Variants in JUN observed in about 807,000 individuals in gnomAD.
JUN encodes Jun proto-oncogene, AP-1 transcription factor subunit.
A neutral mutation model predicts 19.7 loss-of-function variants in JUN; 7 were observed. The observed-to-expected ratio is 0.36, with a 90% confidence interval of 0.20 to 0.67. The LOEUF (loss-of-function observed/expected upper bound fraction) is 0.67. Among genes scored for constraint, JUN ranks in the 30% least tolerant of loss-of-function variants. The probability of loss-of-function intolerance (pLI) is 0.64; values close to 1 mark genes in which losing one functional copy is unlikely to be tolerated. For synonymous variants in JUN, 246 were observed against 206.9 expected (o/e 1.19, Z -1.62); for missense variants, 373 against 451.0 (o/e 0.83, Z 1.57).
In JUN at chr1:58,783,995, C is replaced by A; in HGVS notation, c.-925G>T. 4.0e-6 allele frequency: 1 copy of A among 249,328 alleles called. No homozygotes were observed. Among genetic ancestry groups the A allele is most frequent in the Non-Finnish European group, 8.4e-6 (1 of 119,044 alleles). 15.4% of individuals were successfully genotyped at this position (249,328 alleles called of 1,614,324 possible). A position where few individuals can be genotyped will look rare whatever the true frequency, so the allele number is the denominator to read the frequency against. ...GTGTCTGTCTGTCTGCCTGACTCCG[C>A]GCACCTCCACTCCCGCCTCGCTGCT... On this transcript the variant is annotated 5_prime_UTR_variant, in exon 1 of 1. Coordinates refer to ENST00000371222, the MANE Select transcript of JUN (RefSeq NM_002228.4).
rs1194479675 is a variant in JUN, at chr1:58,783,274, T to TA, written c.-205dup. 1.5e-6 allele frequency: 1 copy of TA among 679,320 alleles called. No individual in the cohort carries two copies. The highest frequency in any genetic ancestry group is 2.4e-6 in the Non-Finnish European group (1 of 412,556). 42.1% of individuals were successfully genotyped at this position (679,320 alleles called of 1,614,324 possible). ...TCGCTCCAGGGAGCGCAGGGTTAAT[T>TA]AAGATGCCTCCCGCACTCTTACTTG... On this transcript the variant is annotated 5_prime_UTR_variant, in exon 1 of 1. Transcript: ENST00000371222.
Position 58,781,939 on chromosome 1 carries a change from A to C in JUN, c.*136T>G. The C allele has an allele frequency of 1.3e-6, 1 of 766,138 alleles. No individual in the cohort carries two copies. Among genetic ancestry groups the C allele is most frequent in the Non-Finnish European group, 2.1e-6 (1 of 470,872 alleles). The allele number at this position is 766,138 out of a possible 1,614,324, so 47.5% of individuals were successfully genotyped here. A position where few individuals can be genotyped will look rare whatever the true frequency, so the allele number is the denominator to read the frequency against. ...TGGGGGCGCCGTCAGGACGCAACCC[A>C]GTCCAACTTGGATACCCTTGGCTTT... On this transcript the variant is annotated 3_prime_UTR_variant, in exon 1 of 1. Coordinates refer to ENST00000371222, the MANE Select transcript of JUN (RefSeq NM_002228.4).
In JUN at chr1:58,782,276, A is replaced by T; in HGVS notation, c.795T>A (p.Ala265=). The change falls in exon 1 of 1, where the codon GCT becomes GCA. Residue 265 remains alanine (A), a synonymous_variant. Transcript: ENST00000371222. The surrounding 1 kb of genome is among the most constrained non-coding windows in gnomAD (Gnocchi z 8.7). ...AERKRMRNRI[A]ASKCRKRKLE... is the part of the protein sequence containing the mutation. ...GCTTCCTTTTTCGGCACTTGGAGGC[A>T]GCGATGCGGTTCCTCATGCGCTTCC... 1 of 1,614,218 alleles carries T rather than the reference A, an allele frequency of 6.2e-7. No individual in the cohort carries two copies. The highest frequency in any genetic ancestry group is 8.5e-7 in the Non-Finnish European group (1 of 1,180,034).
In JUN at chr1:58,782,597, G is replaced by A. The variant is rs1408729568; in HGVS notation, c.474C>T (p.Gly158=). The change falls in exon 1 of 1, where the codon GGC becomes GGT. Residue 158 remains glycine (G), a synonymous_variant. Coordinates refer to ENST00000371222, the MANE Select transcript of JUN (RefSeq NM_002228.4). This position sits in a 1 kb window ranked among gnomAD's most constrained non-coding sequence, Gnocchi z 8.7. ...GCTCGCTGTGCAGGCTGGCGCTGAA[G>A]CCGCCGCTGCCGCTGCCCCCTGCCA... The part of the protein sequence containing the change: ...ASVAGGSGSG[G]FSASLHSEPP... 12 of 1,581,588 alleles carry A rather than the reference G, an allele frequency of 7.6e-6. No homozygotes were observed. Among genetic ancestry groups the A allele is most frequent in the Non-Finnish European group, 1.0e-5 (12 of 1,172,064 alleles).
chr1:58,781,996 G>A lies in JUN; in HGVS notation c.*79C>T. 9 of 1,218,218 alleles carry A rather than the reference G, an allele frequency of 7.4e-6. No homozygotes were observed. The South Asian group carries it at 1.1e-4, about 15-fold the overall frequency. 75.5% of individuals were successfully genotyped at this position (1,218,218 alleles called of 1,614,324 possible). On this transcript the variant is annotated 3_prime_UTR_variant, in exon 1 of 1. Transcript: ENST00000371222. Reference sequence around the variant, plus strand: ...CGGACACTTCTTTTTTCTCTCCGTCGCAACTTGTCAAGTTCTCAAGTCTGT... The same window carrying A: ...CGGACACTTCTTTTTTCTCTCCGTCACAACTTGTCAAGTTCTCAAGTCTGT...
rs528696835 is a variant in JUN at position 58,783,051 on chromosome 1, G to C, written c.20C>G (p.Thr7Arg). MTAKME[T>R]TFYDDALNAS... ...GTTGAGGGCATCGTCATAGAAGGTCGTTTCCATCTTTGCAGTCATAGAACA... is the reference window on the plus strand; with the variant it reads ...GTTGAGGGCATCGTCATAGAAGGTCCTTTCCATCTTTGCAGTCATAGAACA... The change falls in exon 1 of 1, where the codon ACG becomes AGG. Residue 7 changes from threonine (T) to arginine (R), a missense_variant. This residue lies in a region of JUN where 113 missense variants were observed against 136.9 expected (regional missense o/e 0.83). Coordinates refer to ENST00000371222, the MANE Select transcript of JUN (RefSeq NM_002228.4). 1 of 1,613,976 alleles carries C rather than the reference G, an allele frequency of 6.2e-7. No homozygotes were observed. The highest frequency in any genetic ancestry group is 2.2e-5 in the East Asian group (1 of 44,880).
At position 58,782,908 on chromosome 1, in the gene JUN, C is replaced by G. The variant is rs750731127; in HGVS notation, c.163G>C (p.Ala55Pro). ...PVGSLKPHLR[A>P]KNSDLLTSPD... ...GAGGTGAGGAGGTCCGAGTTCTTGG[C>G]GCGGAGGTGCGGCTTCAGGCTCCCC... is the stretch of plus-strand genomic sequence containing the variant. Residue 55 changes from alanine (A) to proline (P), a missense_variant, in exon 1 of 1, where the codon GCC (alanine) becomes CCC (proline). Physicochemically the swap from Ala to Pro is conservative, Grantham distance 27 (BLOSUM62 -1). This residue lies in a region of JUN where 113 missense variants were observed against 136.9 expected (regional missense o/e 0.83). Coordinates refer to ENST00000371222, the MANE Select transcript of JUN (RefSeq NM_002228.4). The surrounding 1 kb of genome is among the most constrained non-coding windows in gnomAD (Gnocchi z 8.7). 1 of 1,614,140 alleles carries G rather than the reference C, an allele frequency of 6.2e-7. No homozygotes were observed. The highest frequency in any genetic ancestry group is 8.5e-7 in the Non-Finnish European group (1 of 1,180,030).
Position 58,781,767 on chromosome 1 carries a change from A to C in JUN, c.*308T>G. 5.5e-6 allele frequency: 2 copies of C among 362,148 alleles called. No individual in the cohort carries two copies. The highest frequency in any genetic ancestry group is 1.0e-5 in the Non-Finnish European group (2 of 197,274). The allele number at this position is 362,148 out of a possible 1,614,324, so 22.4% of individuals were successfully genotyped here. ...CTGAATGAGATCGAATGTTAGGTCC[A>C]TGCAGTTCTTGGTCAATGTTAACGA... is the stretch of plus-strand genomic sequence containing the variant. On this transcript the variant is annotated 3_prime_UTR_variant, in exon 1 of 1. Coordinates refer to ENST00000371222, the MANE Select transcript of JUN (RefSeq NM_002228.4).
At position 58,781,649 on chromosome 1, in the gene JUN, C is replaced by T. The variant is rs1645574598; in HGVS notation, c.*426G>A. 4.8e-6 allele frequency: 1 copy of T among 206,300 alleles called. No individual in the cohort carries two copies. Among genetic ancestry groups the T allele is most frequent in the African/African-American group, 2.3e-5 (1 of 42,812 alleles). 12.8% of individuals were successfully genotyped at this position (206,300 alleles called of 1,614,324 possible). A position where few individuals can be genotyped will look rare whatever the true frequency, so the allele number is the denominator to read the frequency against. ...CTCCCTCCTGCCGCCCCTCCCCAACCCTCCCCCCGCTTTGTGTTCTTAAGG... is the reference window on the plus strand; with the variant it reads ...CTCCCTCCTGCCGCCCCTCCCCAACTCTCCCCCCGCTTTGTGTTCTTAAGG... On this transcript the variant is annotated 3_prime_UTR_variant, in exon 1 of 1. Transcript: ENST00000371222.
Position 58,781,837 on chromosome 1 carries a change from C to A in JUN, c.*238G>T. 1 of 547,174 alleles carries A rather than the reference C, an allele frequency of 1.8e-6. No individual in the cohort carries two copies. The allele number at this position is 547,174 out of a possible 1,614,324, so 33.9% of individuals were successfully genotyped here. A position where few individuals can be genotyped will look rare whatever the true frequency, so the allele number is the denominator to read the frequency against. ...GCGCGGGGACAGCCCGTCCGCAAAGCGGGGCAGCCCGCAGGCGGCCGCTCC... is the reference window on the plus strand; with the variant it reads ...GCGCGGGGACAGCCCGTCCGCAAAGAGGGGCAGCCCGCAGGCGGCCGCTCC... On this transcript the variant is annotated 3_prime_UTR_variant, in exon 1 of 1. Coordinates refer to ENST00000371222, the MANE Select transcript of JUN (RefSeq NM_002228.4).
In JUN at chr1:58,782,633, C is replaced by G. The variant is rs768130439; in HGVS notation, c.438G>C (p.Ala146=). The G allele has an allele frequency of 6.3e-7, 1 of 1,595,022 alleles. No individual in the cohort carries two copies. The highest frequency in any genetic ancestry group is 1.1e-5 in the South Asian group (1 of 90,720). The change falls in exon 1 of 1, where the codon GCG becomes GCC. Residue 146 remains alanine, a synonymous_variant. Transcript: ENST00000371222. The surrounding 1 kb of genome is among the most constrained non-coding windows in gnomAD (Gnocchi z 8.7). ...PVNGAGMVAP[A]VASVAGGSGS... is the part of the protein sequence containing the mutation. ...CGCTGCCCCCTGCCACCGAGGCTAC[C>G]GCGGGAGCCACCATGCCTGCCCCGT...
rs1445927337 is a variant in JUN at position 58,782,030 on chromosome 1, GTTAT to G, written c.*41_*44del. ...CAAGTTCTCAAGTCTGTCTCTCTGT[GTTAT>G]TTTTTTTCTTCGTTGCCCCTCAGCC... is the stretch of plus-strand genomic sequence containing the variant. On this transcript the variant is annotated 3_prime_UTR_variant, in exon 1 of 1. Transcript: ENST00000371222. The surrounding 1 kb of genome is among the most constrained non-coding windows in gnomAD (Gnocchi z 8.7). 3.4e-6 allele frequency: 5 copies of G among 1,455,644 alleles called. No individual in the cohort carries two copies. The highest frequency in any genetic ancestry group is 4.8e-6 in the Non-Finnish European group (5 of 1,045,856). 90.2% of individuals were successfully genotyped at this position (1,455,644 alleles called of 1,614,324 possible). A position where few individuals can be genotyped will look rare whatever the true frequency, so the allele number is the denominator to read the frequency against.
Position 58,781,906 on chromosome 1 carries a change from G to T in JUN, c.*169C>A, listed in dbSNP as rs1645577302. The stretch of plus-strand genomic sequence containing the variant: ...AGGGCGCGCCAAGTCCTTCCCACTC[G>T]TGCACACTGGGGGCGCCGTCAGGAC... On this transcript the variant is annotated 3_prime_UTR_variant, in exon 1 of 1. Transcript: ENST00000371222. 1.6e-6 allele frequency: 1 copy of T among 641,280 alleles called. No individual in the cohort carries two copies. Among genetic ancestry groups the T allele is most frequent in the Non-Finnish European group, 2.7e-6 (1 of 370,216 alleles). 39.7% of individuals were successfully genotyped at this position (641,280 alleles called of 1,614,324 possible). A position where few individuals can be genotyped will look rare whatever the true frequency, so the allele number is the denominator to read the frequency against.
In JUN at chr1:58,783,325, T is replaced by C. The variant is rs978349154; in HGVS notation, c.-255A>G. ...TCGACTCGCGCGCGCTACCCGGCTT[T>C]GAAAAGTCGCGGTCACTCACTGAGC... is the stretch of plus-strand genomic sequence containing the variant. On this transcript the variant is annotated 5_prime_UTR_variant, in exon 1 of 1. Coordinates refer to ENST00000371222, the MANE Select transcript of JUN (RefSeq NM_002228.4). 3.0e-5 allele frequency: 15 copies of C among 502,330 alleles called. No homozygotes were observed. Among genetic ancestry groups the C allele is most frequent in the Non-Finnish European group, 1.1e-5 (3 of 276,046 alleles). 31.1% of individuals were successfully genotyped at this position (502,330 alleles called of 1,614,324 possible).
In JUN at chr1:58,783,799, C is replaced by T. The variant is rs1645597921; in HGVS notation, c.-729G>A. On this transcript the variant is annotated 5_prime_UTR_variant, in exon 1 of 1. Coordinates refer to ENST00000371222, the MANE Select transcript of JUN (RefSeq NM_002228.4). The stretch of plus-strand genomic sequence containing the variant: ...CGCTGCTTTCCGCCGCTGTCAACAG[C>T]GCCTGGGCAGCAGGGCTCTCCTCCC... The T allele has an allele frequency of 4.0e-6, 1 of 248,144 alleles. No individual in the cohort carries two copies. The highest frequency in any genetic ancestry group is 2.2e-5 in the African/African-American group (1 of 45,474). The allele number at this position is 248,144 out of a possible 1,614,324, so 15.4% of individuals were successfully genotyped here.
Position 58,782,183 on chromosome 1 carries a change from G to A in JUN, c.888C>T (p.Ser296=), listed in dbSNP as rs571546295. Residue 296 remains serine (S), a synonymous_variant, in exon 1 of 1, where the codon TCC becomes TCT. Transcript: ENST00000371222. The surrounding 1 kb of genome is among the most constrained non-coding windows in gnomAD (Gnocchi z 8.7). ...CCTGTTCCCTGAGCATGTTGGCCGT[G>A]GACGCCAGCTCCGAGTTCTGAGCTT... is the stretch of plus-strand genomic sequence containing the variant. ...TLKAQNSELA[S]TANMLREQVA... 1.2e-6 allele frequency: 2 copies of A among 1,614,246 alleles called. No individual in the cohort carries two copies. The highest frequency in any genetic ancestry group is 2.2e-5 in the East Asian group (1 of 44,888).
chr1:58,781,826 C>T lies in JUN; in HGVS notation c.*249G>A, dbSNP rs1418864758. 9.2e-6 allele frequency: 5 copies of T among 541,334 alleles called. No homozygotes were observed. The highest frequency in any genetic ancestry group is 5.7e-5 in the African/African-American group (3 of 52,742). The allele number at this position is 541,334 out of a possible 1,614,324, so 33.5% of individuals were successfully genotyped here. On this transcript the variant is annotated 3_prime_UTR_variant, in exon 1 of 1. Coordinates refer to ENST00000371222, the MANE Select transcript of JUN (RefSeq NM_002228.4). ...ACGTTCCGTTCGCGCGGGGACAGCC[C>T]GTCCGCAAAGCGGGGCAGCCCGCAG... is the stretch of plus-strand genomic sequence containing the variant.
rs762826057 is a variant in JUN, at chr1:58,782,361, C to T, written c.710G>A (p.Gly237Asp). The stretch of plus-strand genomic sequence containing the variant: ...GATGGGGGACAGGGGCGGTGTCTCG[C>T]CGGGCATCTCGGGCACTGTCTGAGG... ...EEPQTVPEMPGETPPLSPIDM... is the reference protein window; with the variant it reads ...EEPQTVPEMPDETPPLSPIDM... The change falls in exon 1 of 1, where the codon GGC becomes GAC. Residue 237 changes from glycine (G) to aspartate (D), a missense_variant. By Grantham distance (94) the Gly-to-Asp change is moderately conservative. Coordinates refer to ENST00000371222, the MANE Select transcript of JUN (RefSeq NM_002228.4). The surrounding 1 kb of genome is among the most constrained non-coding windows in gnomAD (Gnocchi z 8.7). 1.2e-6 allele frequency: 2 copies of T among 1,613,982 alleles called. No homozygotes were observed. Among genetic ancestry groups the T allele is most frequent in the Non-Finnish European group, 1.7e-6 (2 of 1,179,842 alleles).
rs1645589217 is a variant in JUN at position 58,783,008 on chromosome 1, G to C, written c.63C>G (p.Ser21=). 4 of 1,614,092 alleles carry C rather than the reference G, an allele frequency of 2.5e-6. No homozygotes were observed. In the Admixed American group the frequency reaches 6.7e-5, roughly 27 times the overall value. The part of the protein sequence containing the change: ...DDALNASFLP[S]ESGPYGYSNP... ...TACTGTAGCCATAAGGTCCGCTCTC[G>C]GACGGGAGGAACGAGGCGTTGAGGG... is the stretch of plus-strand genomic sequence containing the variant. Residue 21 remains serine, a synonymous_variant, in exon 1 of 1, where the codon TCC becomes TCG. Transcript: ENST00000371222.
Sources: gnomAD v4.1 joint callset for allele counts on GRCh38, gnomAD v4.1.1 for gene constraint, gnomAD v4.1.1 regional missense constraint, Gnocchi (gnomAD v3.1) non-coding constraint, MANE v1.5 for transcripts, NCBI Gene and HGNC (gene_info 2026-07-23, HGNC 2026-07-21) for gene names.